The following TRAP1 variants were observed in gnomAD, a reference collection of about 807,000 sequenced individuals.
The protein encoded by TRAP1 is TNF receptor associated protein 1, also known as heat shock protein 75 kDa, mitochondrial.
In TRAP1, 102 loss-of-function variants were observed where a neutral mutation model predicts 89.1. The observed-to-expected ratio is 1.15, with a 90% CI of 0.98 to 1.35. TRAP1 has a LOEUF of 1.35. Ranked by LOEUF, TRAP1 falls within the 40% of genes most tolerant of loss-of-function variation. The probability of loss-of-function intolerance (pLI) is 0.00; values close to 1 mark genes in which losing one functional copy is unlikely to be tolerated. For missense variants in TRAP1, 1,256 were observed against 945.3 expected, an observed-to-expected ratio of 1.33 and a Z score of -4.31; for synonymous variants, 508 against 388.0, an observed-to-expected ratio of 1.31 and a Z score of -3.64.
At chr16:3,708,029 GT>G (rs2076071292) in intron 1 of TRAP1, among the ~76,000 whole-genome samples, 1 of 151,982 alleles carries the variant, frequency 6.6e-6, no homozygotes, top group African/African-American at 2.4e-5. Flanking sequence ...TAAAAAAAAT[GT>G]TTTTTAATTA....
At chr16:3,714,370 C>G (rs542395238) in intron 1 of TRAP1, among the ~76,000 whole-genome samples, 2 of 152,266 alleles carry the variant, frequency 1.3e-5, no homozygotes, top group African/African-American at 4.8e-5. Context: ...CAGAAATATT[C>G]TGAGGGTAGG....
chr16:3,690,491 G>C (rs2051198791), intron 2 of TRAP1, among the ~76,000 whole-genome samples: 1 of 152,214 alleles, frequency 6.6e-6, no homozygotes, highest in Non-Finnish European at 1.5e-5. Context: ...TGAAAAGACA[G>C]CTCCAGAATT....
At position 3,689,091 on chromosome 16, in the gene TRAP1, CA is replaced by C. The variant is rs1402816078; in HGVS notation, c.293del (p.Leu98TrpfsTer19). On this transcript the variant is annotated frameshift_variant, in exon 3 of 18. Coordinates refer to ENST00000246957, the MANE Select transcript of TRAP1 (RefSeq NM_016292.3). LOFTEE classifies it high-confidence loss of function. ...HEFQAETKKL[L>X]DIVARSLYSE... ...AGTACAGGGACCGGGCAACAATGTC[CA>C]AAAGCTTCTTTGTCTCGGCCTGGAA... 1 of 1,613,956 alleles carries C rather than the reference CA, an allele frequency of 6.2e-7. No homozygotes were observed. The highest frequency in any genetic ancestry group is 1.1e-5 in the South Asian group (1 of 91,064).
chr16:3,682,234 A>G (rs1175848338), intron 4 of TRAP1, among the ~76,000 whole-genome samples: 1 of 152,072 alleles, frequency 6.6e-6, no homozygotes, highest in Non-Finnish European at 1.5e-5. Context: ...TAAATATAAG[A>G]GCTAAAGCTA....
At chr16:3,710,879 A>ATATT (rs71133652) in intron 1 of TRAP1, among the ~76,000 whole-genome samples, 1 of 125,834 alleles carries the variant, frequency 7.9e-6, no homozygotes, top group African/African-American at 3.3e-5. Context: ...ATATATATAT[A>ATATT]TTTTTTTTTT....
chr16:3,714,768 C>T (rs1457139945), intron 1 of TRAP1, among the ~76,000 whole-genome samples: 1 of 152,102 alleles, frequency 6.6e-6, no homozygotes, highest in Non-Finnish European at 1.5e-5. Context: ...ACTGAGGCAG[C>T]GTAGCATGGG....
At chr16:3,658,597 C>G in intron 17 of TRAP1, 196 bp downstream of exon 17, 1 of 594,172 alleles carries the variant, frequency 1.7e-6, no homozygotes, top group Non-Finnish European at 3.0e-6. Context: ...TGCTTGAACC[C>G]GGGAGGCAGA....
rs751192502 is a variant in TRAP1, at chr16:3,664,325, G to A, written c.1518C>T (p.His506=). ...NIYYLCAPNR[H]LAEHSPYYEA... The stretch of plus-strand genomic sequence containing the variant: ...CATAGTAGGGTGAGTGCTCTGCCAG[G>A]TGACGGTTGGGGGCGCACAGGTAGT... The change falls in exon 13 of 18, where the codon CAC becomes CAT. Residue 506 remains histidine (H), a synonymous_variant. Transcript: ENST00000246957. The A allele has an allele frequency of 5.0e-6, 8 of 1,612,540 alleles. No individual in the cohort carries two copies. Among genetic ancestry groups the A allele is most frequent in the South Asian group, 1.1e-5 (1 of 90,790 alleles).
chr16:3,709,428 G>A (rs2051496828), intron 1 of TRAP1, among the ~76,000 whole-genome samples: 2 of 152,238 alleles, frequency 1.3e-5, no homozygotes, highest in South Asian at 2.1e-4. Flanking sequence ...TCTAGCACTG[G>A]TGAAGGTGTG....
At chr16:3,689,276 G>A (rs565361214) in intron 2 of TRAP1, 139 bp from the exon 3 acceptor site, 300 of 635,224 alleles carry the variant, frequency 4.7e-4, no homozygotes, top group African/African-American at 1.3e-3. Context: ...ACGGAGTCTC[G>A]CTCTGTCACC....
intron 1 of TRAP1, among the ~76,000 whole-genome samples, chr16:3,698,464 G>A (rs1002983177): frequency 7.3e-5 from 11 of 151,660 alleles, no homozygotes; most frequent in Non-Finnish European, 1.3e-4. Flanking sequence ...CACCATGCCC[G>A]GCTAATTTTT....
chr16:3,671,056 C>A (rs1487514472), intron 11 of TRAP1, among the ~76,000 whole-genome samples: 6 of 152,126 alleles, frequency 3.9e-5, no homozygotes, highest in South Asian at 2.1e-4. Flanking sequence ...ACACTGCAGG[C>A]ACGTTGGGGG....
intron 1 of TRAP1, among the ~76,000 whole-genome samples, chr16:3,700,727 A>G (rs113457405): frequency 2.6e-5 from 4 of 152,146 alleles, no homozygotes; most frequent in Admixed American, 2.0e-4. Context: ...CAGCCTCCCA[A>G]AGTGGTGGGA....
chr16:3,661,713 C>A, intron 16 of TRAP1: 1 of 381,518 alleles, frequency 2.6e-6, no homozygotes, highest in Non-Finnish European at 4.6e-6. Flanking sequence ...ATGTCCAGGA[C>A]ACGCACAGGT....
In TRAP1 at chr16:3,658,547, C is replaced by G. The variant is rs1424455155; in HGVS notation, c.2013+246G>C. On this transcript the variant is annotated intron_variant, in intron 17 of 17. Coordinates refer to ENST00000246957, the MANE Select transcript of TRAP1 (RefSeq NM_016292.3). ...AAATACAAAATTAGCCAGGCGCATG[C>G]CTGTAGTCCCAGCTACTCGGGAGGC... 5 of 576,232 alleles carry G rather than the reference C, an allele frequency of 8.7e-6. No individual in the cohort carries two copies. The Admixed American group carries it at 1.2e-4, about 14-fold the overall frequency. 35.7% of individuals were successfully genotyped at this position (576,232 alleles called of 1,614,324 possible). A position where few individuals can be genotyped will look rare whatever the true frequency, so the allele number is the denominator to read the frequency against.
chr16:3,670,063 T>A (rs560498252), intron 11 of TRAP1, among the ~76,000 whole-genome samples: 7 of 151,606 alleles, frequency 4.6e-5, no homozygotes, highest in Non-Finnish European at 1.0e-4. Flanking sequence ...GGAAACAGTA[T>A]AAGCAATATG....
intron 7 of TRAP1, 73 bp downstream of exon 7, chr16:3,675,963 A>G: frequency 7.6e-7 from 1 of 1,322,980 alleles, no homozygotes; most frequent in Non-Finnish European, 1.1e-6. Context: ...ACCAGGGAAA[A>G]TGCCTGCTGA....
chr16:3,673,752 G>A (rs185337251), intron 9 of TRAP1, among the ~76,000 whole-genome samples: 13 of 152,302 alleles, frequency 8.5e-5, no homozygotes, highest in Admixed American at 8.5e-4. Flanking sequence ...GGGCAGGACG[G>A]GCTGGCTCTC....
chr16:3,690,174 C>G (rs1286213062), intron 2 of TRAP1, among the ~76,000 whole-genome samples: 1 of 152,026 alleles, frequency 6.6e-6, no homozygotes, highest in African/African-American at 2.4e-5. Context: ...GCCTGGCTAA[C>G]TTTTTAATTT....
Sources: gnomAD v4.1 joint callset for allele counts (sites outside exome capture counted in the v4.1 genomes callset) on GRCh38, gnomAD v4.1.1 for gene constraint, MANE v1.5 for transcripts, NCBI Gene and HGNC (gene_info 2026-07-23, HGNC 2026-07-21) for gene names.